Variants in PCNX2 observed in about 807,000 individuals in gnomAD.
PCNX2 encodes pecanex 2, also known as pecanex-like protein 2.
PCNX2 carries 168 observed loss-of-function variants against 223.8 expected under a neutral mutation model. The observed-to-expected ratio is 0.75, with a 90% CI of 0.66 to 0.85. The LOEUF is 0.85. Among genes scored for constraint, PCNX2 ranks in the 40% least tolerant of loss-of-function variants. The pLI is 0.00. For synonymous variants in PCNX2, 1,006 were observed against 1,052.6 expected (o/e 0.96, Z 0.86); for missense variants, 2,507 against 2,675.5 (o/e 0.94, Z 1.39).
At chr1:233,090,219 A>C (rs1465999461) in intron 22 of PCNX2, 29 bp from the exon 23 acceptor site, 1 of 1,596,220 alleles carries the variant, frequency 6.3e-7, no homozygotes, top group Non-Finnish European at 8.5e-7. Context: ...GGCAAAAAAA[A>C]AAATTATGAT....
chr1:233,140,353 C>A (rs1331226471), intron 19 of PCNX2, among the ~76,000 whole-genome samples: 1 of 152,142 alleles, frequency 6.6e-6, no homozygotes, highest in East Asian at 1.9e-4. Context: ...ACTCCCAAAC[C>A]CCAGCCACTA....
upstream of PCNX2, among the ~76,000 whole-genome samples, chr1:233,297,649 A>G (rs185138974): frequency 6.6e-6 from 1 of 152,328 alleles, no homozygotes; most frequent in African/African-American, 2.4e-5. Flanking sequence ...ATAGTCTAAC[A>G]TGTCTGGAAG....
chr1:233,274,060 T>C (rs1398114510), intron 1 of PCNX2, among the ~76,000 whole-genome samples: 1 of 152,206 alleles, frequency 6.6e-6, no homozygotes, highest in Non-Finnish European at 1.5e-5. Context: ...CCAGAAATGG[T>C]CCCAACAAAA....
chr1:233,316,826 C>T, the PCNX2 span, among the ~76,000 whole-genome samples: 3 of 152,290 alleles, frequency 2.0e-5, no homozygotes, highest in Admixed American at 6.5e-5. Flanking sequence ...TTACACTCCT[C>T]TTAATGTTTA....
At chr1:233,096,588 G>T (rs1485777857) in intron 21 of PCNX2, among the ~76,000 whole-genome samples, 1 of 152,006 alleles carries the variant, frequency 6.6e-6, no homozygotes, top group Admixed American at 6.6e-5. Flanking sequence ...TTCTAGATGC[G>T]GTCAGTCAGT....
chr1:233,025,404 C>T lies in PCNX2; in HGVS notation c.4352-5G>A, dbSNP rs1310227124. ...CCCTCTGCTGGCAGTAGGTTCCTGGCCGAGCACAAACATGAAGGAAGTTTG... is the reference window on the plus strand; with the variant it reads ...CCCTCTGCTGGCAGTAGGTTCCTGGTCGAGCACAAACATGAAGGAAGTTTG... On this transcript the variant is annotated splice_region_variant and splice_polypyrimidine_tract_variant and intron_variant, in intron 25 of 33. Transcript: ENST00000258229. The T allele has an allele frequency of 6.2e-7, 1 of 1,613,184 alleles. No individual in the cohort carries two copies. Among genetic ancestry groups the T allele is most frequent in the African/African-American group, 1.3e-5 (1 of 74,916 alleles).
At chr1:233,283,859 G>A (rs1256697990) in intron 1 of PCNX2, among the ~76,000 whole-genome samples, 2 of 152,146 alleles carry the variant, frequency 1.3e-5, no homozygotes, top group Non-Finnish European at 2.9e-5. Context: ...AATATAAAGA[G>A]TTTCCAGGTT....
chr1:232,991,233 T>C lies in PCNX2; in HGVS notation c.5792-4693A>G, dbSNP rs187178959. Among the ~76,000 whole-genome samples the C allele has an allele frequency of 2.0e-5, 3 of 151,974 alleles. No individual in the cohort carries two copies. In the East Asian group the frequency reaches 5.8e-4, roughly 30 times the overall value. Reference sequence around the variant, plus strand: ...GGGATTTGATGGGAGGCTGTGTGAGTAAGCGAAGGAGCTGCAAGCCTGGGA... The same window carrying C: ...GGGATTTGATGGGAGGCTGTGTGAGCAAGCGAAGGAGCTGCAAGCCTGGGA... On this transcript the variant is annotated intron_variant, in intron 32 of 33. Coordinates refer to ENST00000258229, the MANE Select transcript of PCNX2 (RefSeq NM_014801.4). This position sits in a 1 kb window ranked among gnomAD's most constrained non-coding sequence, Gnocchi z 4.3.
At chr1:233,249,963 A>G (rs1251974775) in intron 8 of PCNX2, among the ~76,000 whole-genome samples, 1 of 152,244 alleles carries the variant, frequency 6.6e-6, no homozygotes, top group African/African-American at 2.4e-5. Context: ...GGAAAGACAC[A>G]TGGGGTCACA....
intron 28 of PCNX2, among the ~76,000 whole-genome samples, chr1:233,011,771 G>A (rs1371284884): frequency 6.6e-6 from 1 of 152,204 alleles, no homozygotes; most frequent in African/African-American, 2.4e-5. Flanking sequence ...GGAAGCTCCT[G>A]TGCTCGAGAC....
intron 15 of PCNX2, among the ~76,000 whole-genome samples, chr1:233,189,164 C>G (rs1186830736): frequency 2.0e-5 from 3 of 152,186 alleles, no homozygotes; most frequent in African/African-American, 7.2e-5. Flanking sequence ...ATGGAAAAAA[C>G]AATGTGAATT....
At chr1:233,283,890 T>C (rs891721562) in intron 1 of PCNX2, among the ~76,000 whole-genome samples, 3 of 152,142 alleles carry the variant, frequency 2.0e-5, no homozygotes, top group Non-Finnish European at 4.4e-5. Flanking sequence ...GATTACTCAC[T>C]AAACACAAAG....
chr1:233,155,016 T>G (rs922700464), intron 19 of PCNX2, among the ~76,000 whole-genome samples: 10 of 137,176 alleles, frequency 7.3e-5, no homozygotes, highest in Non-Finnish European at 1.1e-4. Context: ...TTGGGTGAGC[T>G]GGGATCGAGC....
intron 8 of PCNX2, among the ~76,000 whole-genome samples, chr1:233,246,189 A>G (rs1163819585): frequency 6.6e-6 from 1 of 151,604 alleles, no homozygotes; most frequent in Non-Finnish European, 1.5e-5. Context: ...TGCCCTTCAG[A>G]TGGGATAAAT....
intron 15 of PCNX2, among the ~76,000 whole-genome samples, chr1:233,181,265 T>C (rs1679787029): frequency 6.7e-6 from 1 of 148,420 alleles, no homozygotes; most frequent in Middle Eastern, 3.5e-3. Flanking sequence ...AGTCATACAA[T>C]CTCAGCTCAC....
intron 25 of PCNX2, among the ~76,000 whole-genome samples, chr1:233,053,888 T>A (rs1335362399): frequency 6.6e-6 from 1 of 152,158 alleles, no homozygotes; most frequent in African/African-American, 2.4e-5. Flanking sequence ...CTTAAATGAT[T>A]TGCACGCAAC....
chr1:233,176,447 C>G (rs2477869), intron 17 of PCNX2, among the ~76,000 whole-genome samples: 136,289 of 152,262 alleles, frequency 0.9, 61,279 homozygotes, highest in East Asian at 1. Flanking sequence ...CCCAAGCAAT[C>G]GCTATGCAGA....
intron 28 of PCNX2, among the ~76,000 whole-genome samples, chr1:233,002,061 A>T (rs1364042212): frequency 2.6e-5 from 4 of 152,198 alleles, no homozygotes; most frequent in African/African-American, 7.2e-5. Context: ...AGAGACGATG[A>T]TGCTAACCGT....
chr1:233,015,274 C>T (rs982296736), intron 27 of PCNX2, among the ~76,000 whole-genome samples: 2 of 152,152 alleles, frequency 1.3e-5, no homozygotes, highest in African/African-American at 4.8e-5. Context: ...TCTTTTAGCT[C>T]GGGCATGGTG....
Sources: allele counts gnomAD v4.1 joint callset (sites outside exome capture counted in the v4.1 genomes callset), GRCh38; gene constraint gnomAD v4.1.1; non-coding constraint Gnocchi (gnomAD v3.1); transcripts MANE v1.5; gene names NCBI Gene and HGNC (gene_info 2026-07-23, HGNC 2026-07-21).